The following RHAG variants were observed in gnomAD, a reference collection of about 807,000 sequenced individuals.
The protein encoded by RHAG is Rh associated glycoprotein, also known as ammonium transporter Rh type A.
A neutral mutation model predicts 42.4 loss-of-function variants in RHAG; 25 were observed. That is an observed-to-expected ratio of 0.59 (90% CI 0.43 to 0.82). The LOEUF is 0.82. Among genes scored for constraint, RHAG ranks in the 40% least tolerant of loss-of-function variants. The pLI, the probability that RHAG is intolerant of heterozygous loss-of-function variation, is 0.00. For synonymous variants in RHAG, 182 were observed against 177.7 expected (o/e 1.02, Z -0.19); for missense variants, 483 against 504.6 (o/e 0.96, Z 0.41).
chr6:49,623,804 A>G (rs943973691), intron 1 of RHAG, among the ~76,000 whole-genome samples: 2 of 152,234 alleles, frequency 1.3e-5, no homozygotes, highest in African/African-American at 2.4e-5. Flanking sequence ...TATGCTTTTA[A>G]GGATTCATAG....
chr6:49,624,585 T>C (rs9463520), intron 1 of RHAG, among the ~76,000 whole-genome samples: 29,791 of 152,232 alleles, frequency 0.2, 3,444 homozygotes, highest in Admixed American at 0.33. Context: ...TATTCCATTC[T>C]AATTGTTTAC....
At chr6:49,625,294 A>G (rs1325555965) in intron 1 of RHAG, among the ~76,000 whole-genome samples, 4 of 152,234 alleles carry the variant, frequency 2.6e-5, no homozygotes, top group Non-Finnish European at 5.9e-5. Context: ...TTTTGGAGGC[A>G]GACAATCTGG....
In RHAG at chr6:49,614,956, A is replaced by T. The variant is rs1006090322; in HGVS notation, c.641-103T>A. 1.2e-5 allele frequency: 14 copies of T among 1,158,158 alleles called. No individual in the cohort carries two copies. The South Asian group carries it at 2.0e-4, about 16-fold the overall frequency. 71.7% of individuals were successfully genotyped at this position (1,158,158 alleles called of 1,614,324 possible). Reference sequence around the variant, plus strand: ...TATTTACTTATTTATTTGTTTATTTATTTATTTTTGAGATGGAGTGTCCCT... The same window carrying T: ...TATTTACTTATTTATTTGTTTATTTTTTTATTTTTGAGATGGAGTGTCCCT... On this transcript the variant is annotated intron_variant, in intron 4 of 9. Transcript: ENST00000371175.
intron 7 of RHAG, among the ~76,000 whole-genome samples, chr6:49,608,835 TTTGA>T (rs1337988152): frequency 2.0e-5 from 3 of 152,208 alleles, no homozygotes; most frequent in Non-Finnish European, 4.4e-5. Flanking sequence ...TTTGCATTTC[TTTGA>T]TTATGAGTGA....
intron 1 of RHAG, among the ~76,000 whole-genome samples, chr6:49,621,169 G>C (rs1430494388): frequency 6.6e-6 from 1 of 152,150 alleles, no homozygotes; most frequent in Admixed American, 6.5e-5. Flanking sequence ...CACTACTCAG[G>C]CTTGTCTACT....
At chr6:49,607,241 G>T (rs1226424114) in intron 7 of RHAG, 21 bp from the exon 8 acceptor site, 4 of 1,603,124 alleles carry the variant, frequency 2.5e-6, no homozygotes, top group Non-Finnish European at 3.4e-6. Flanking sequence ...AAACAAAAAA[G>T]AATCAGTGTC....
Position 49,618,107 on chromosome 6 carries a change from G to T in RHAG, c.453C>A (p.Phe151Leu). ...MLIMTILEIV[F>L]FAHNEYLVSE... ...TAACCAGGTATTCATTGTGGGCAAA[G>T]AAAACAATTTCTAAAATTGTCATGA... The change falls in exon 3 of 10, where the codon TTC (phenylalanine) becomes TTA (leucine). Residue 151 changes from phenylalanine to leucine, a missense_variant. Transcript: ENST00000371175. The T allele has an allele frequency of 6.2e-7, 1 of 1,613,972 alleles. No homozygotes were observed. The highest frequency in any genetic ancestry group is 8.5e-7 in the Non-Finnish European group (1 of 1,179,890).
chr6:49,632,994 T>A (rs1456390350), intron 1 of RHAG, among the ~76,000 whole-genome samples: 2 of 152,132 alleles, frequency 1.3e-5, no homozygotes, highest in Admixed American at 6.6e-5. Flanking sequence ...ATTCATGGCA[T>A]GAAACATGAT....
chr6:49,616,648 T>C (rs2078503), intron 3 of RHAG, among the ~76,000 whole-genome samples: 34,019 of 152,164 alleles, frequency 0.22, 4,335 homozygotes, highest in Non-Finnish European at 0.3. Context: ...ATTGTACTTA[T>C]AGACAGTAAG....
rs559791215 is a variant in RHAG at position 49,612,341 on chromosome 6, A to G, written c.945+56T>C. On this transcript the variant is annotated intron_variant, in intron 6 of 9. Coordinates refer to ENST00000371175, the MANE Select transcript of RHAG (RefSeq NM_000324.3). ...GTAGCTTTTTTTCTGCTGGTGGGAC[A>G]TGTGAGAAAAAAGGTGCAGATTCAG... The G allele has an allele frequency of 4.5e-6, 7 of 1,571,376 alleles. No individual in the cohort carries two copies. The East Asian group carries it at 1.3e-4, about 30-fold the overall frequency.
At chr6:49,620,101 C>T (rs192430042) in intron 1 of RHAG, among the ~76,000 whole-genome samples, 1 of 152,140 alleles carries the variant, frequency 6.6e-6, no homozygotes, top group African/African-American at 2.4e-5. Flanking sequence ...AGGCTGTATC[C>T]TCTTGAGTAA....
At chr6:49,629,833 CTGCTCCGAG>C (rs1303730140) in intron 1 of RHAG, among the ~76,000 whole-genome samples, 2 of 146,822 alleles carry the variant, frequency 1.4e-5, no homozygotes, top group African/African-American at 2.6e-5. Flanking sequence ...GGCCAGCCGG[CTGCTCCGAG>C]TGCGGGGCCC....
chr6:49,633,101 C>T (rs891081451), intron 1 of RHAG, among the ~76,000 whole-genome samples: 1 of 152,134 alleles, frequency 6.6e-6, no homozygotes, highest in African/African-American at 2.4e-5. Context: ...TTTAAAAAAG[C>T]ACGACAGAAT....
intron 5 of RHAG, 116 bp from the exon 6 acceptor site, chr6:49,612,650 T>A: frequency 1.6e-6 from 2 of 1,215,320 alleles, no homozygotes; most frequent in East Asian, 4.8e-5. Flanking sequence ...AAAGGGCTAT[T>A]GGTTCTTTTT....
At chr6:49,606,188 C>T (rs6458705) in intron 9 of RHAG, among the ~76,000 whole-genome samples, 27,037 of 152,110 alleles carry the variant, frequency 0.18, 2,548 homozygotes, top group African/African-American at 0.23. Flanking sequence ...GATGTGTACT[C>T]ACTCAAATTC....
rs539181619 is a variant in RHAG, at chr6:49,616,548, A to G, written c.493-777T>C. Among the ~76,000 whole-genome samples the G allele has an allele frequency of 3.9e-5, 6 of 152,226 alleles. No individual in the cohort carries two copies. In the East Asian group the frequency reaches 9.7e-4, roughly 25 times the overall value. On this transcript the variant is annotated intron_variant, in intron 3 of 9. Coordinates refer to ENST00000371175, the MANE Select transcript of RHAG (RefSeq NM_000324.3). ...CCAGCTGAGGTCCCAGATTCACTTC[A>G]AGAGATTTAGATTCCTCTTTAGGAT...
intron 1 of RHAG, among the ~76,000 whole-genome samples, 186 bp from the exon 2 acceptor site, chr6:49,619,548 G>A (rs1762718467): frequency 6.6e-6 from 1 of 152,136 alleles, no homozygotes; most frequent in East Asian, 1.9e-4. Flanking sequence ...AAGAGACTTT[G>A]GCAAGTTATT....
At chr6:49,617,248 C>A (rs577165474) in intron 3 of RHAG, among the ~76,000 whole-genome samples, 2 of 152,172 alleles carry the variant, frequency 1.3e-5, no homozygotes, top group African/African-American at 4.8e-5. Context: ...TTAGGTCCAG[C>A]GTAACTGTCA....
chr6:49,611,622 A>C (rs1220754299), intron 6 of RHAG, among the ~76,000 whole-genome samples: 1 of 152,184 alleles, frequency 6.6e-6, no homozygotes, highest in African/African-American at 2.4e-5. Context: ...CTTAAAGTTA[A>C]AGGATTTGAA....
Sources: allele counts gnomAD v4.1 joint callset (sites outside exome capture counted in the v4.1 genomes callset), GRCh38; gene constraint gnomAD v4.1.1; transcripts MANE v1.5; gene names NCBI Gene and HGNC (gene_info 2026-07-23, HGNC 2026-07-21).